SUPT3H: variants seen among roughly 807,000 people sequenced by gnomAD.
SUPT3H encodes the protein SPT3 homolog, SAGA and STAGA complex component.
In SUPT3H, 44 loss-of-function variants were observed where a neutral mutation model predicts 44.3. The ratio of observed to expected loss-of-function variants is 0.99; its 90% CI spans 0.78 to 1.28. The LOEUF is 1.28. SUPT3H is among the 50% of genes most tolerant of loss of function. The pLI is 0.00. For synonymous variants in SUPT3H, 124 were observed against 125.6 expected (o/e 0.99, Z 0.09); for missense variants, 380 against 387.1 (o/e 0.98, Z 0.15).
chr6:45,175,840 A>G (rs1033339731), intron 2 of SUPT3H, among the ~76,000 whole-genome samples: 2 of 152,220 alleles, frequency 1.3e-5, no homozygotes, highest in African/African-American at 4.8e-5. Flanking sequence ...CATGATTCAA[A>G]GCTTCTCATT....
At chr6:45,296,178 C>T (rs79601608) in intron 2 of SUPT3H, among the ~76,000 whole-genome samples, 3 of 89,786 alleles carry the variant, frequency 3.3e-5, no homozygotes, top group Non-Finnish European at 5.1e-5. Flanking sequence ...TATATACATA[C>T]ACATACTACA....
intron 10 of SUPT3H, among the ~76,000 whole-genome samples, chr6:44,900,818 A>G (rs1414452772): frequency 6.6e-6 from 1 of 152,180 alleles, no homozygotes; most frequent in African/African-American, 2.4e-5. Flanking sequence ...CTCCCCTGAG[A>G]CAAAACTTCC....
chr6:45,217,751 G>A lies in SUPT3H; in HGVS notation c.102-111745C>T, dbSNP rs368302022. ...ACAAAAATACAAAAATTAGCCAGGCGTGGTGACGTGTGCCTGTAGTCCTAG... is the reference window on the plus strand; with the variant it reads ...ACAAAAATACAAAAATTAGCCAGGCATGGTGACGTGTGCCTGTAGTCCTAG... On this transcript the variant is annotated intron_variant, in intron 2 of 10. Coordinates refer to ENST00000371459, the MANE Select transcript of SUPT3H (RefSeq NM_003599.4). Among the ~76,000 whole-genome samples, 4 of 151,994 alleles carry A rather than the reference G, an allele frequency of 2.6e-5. No homozygotes were observed. In the East Asian group the frequency reaches 5.8e-4, roughly 22 times the overall value.
intron 2 of SUPT3H, among the ~76,000 whole-genome samples, chr6:45,333,237 C>T (rs972505701): frequency 6.6e-6 from 1 of 151,464 alleles, no homozygotes; most frequent in Non-Finnish European, 1.5e-5. Context: ...TGTTACGATT[C>T]AAAAAATAAC....
intron 2 of SUPT3H, among the ~76,000 whole-genome samples, chr6:45,205,277 T>C (rs1763049656): frequency 6.6e-6 from 1 of 152,188 alleles, no homozygotes; most frequent in African/African-American, 2.4e-5. Context: ...TGCCCTAAGT[T>C]ACTGAAGACC....
At chr6:45,043,515 C>T (rs1308571150) in intron 3 of SUPT3H, among the ~76,000 whole-genome samples, 3 of 152,132 alleles carry the variant, frequency 2.0e-5, no homozygotes, top group African/African-American at 7.2e-5. Context: ...ATGAGACTTA[C>T]ACCTAAGTTA....
chr6:45,192,520 G>A (rs1584166592), intron 2 of SUPT3H, among the ~76,000 whole-genome samples: 1 of 152,028 alleles, frequency 6.6e-6, no homozygotes, highest in Admixed American at 6.6e-5. Flanking sequence ...ACCCAAATAA[G>A]TCAGCCTAAC....
chr6:45,299,403 G>T (rs2149913619), intron 2 of SUPT3H, among the ~76,000 whole-genome samples: 1 of 151,504 alleles, frequency 6.6e-6, no homozygotes, highest in East Asian at 1.9e-4. Flanking sequence ...AACAAAAGCA[G>T]TAATATAAGA....
At chr6:45,328,115 C>G in intron 2 of SUPT3H, 2 of 385,776 alleles carry the variant, frequency 5.2e-6, no homozygotes, top group Non-Finnish European at 9.1e-6. Flanking sequence ...AAGCTATATC[C>G]TTCTGGATGC....
chr6:45,267,361 T>C (rs915894933), intron 2 of SUPT3H, among the ~76,000 whole-genome samples: 1 of 152,198 alleles, frequency 6.6e-6, no homozygotes, highest in African/African-American at 2.4e-5. Context: ...AAAAGGAAAA[T>C]ATTTAATTCT....
At chr6:45,122,709 T>C (rs1000518329) in intron 2 of SUPT3H, among the ~76,000 whole-genome samples, 1 of 152,150 alleles carries the variant, frequency 6.6e-6, no homozygotes, top group African/African-American at 2.4e-5. Context: ...TTTGGGAGTA[T>C]TGTTGAAGAG....
chr6:44,912,172 T>C (rs1229583250), intron 10 of SUPT3H, among the ~76,000 whole-genome samples: 1 of 152,206 alleles, frequency 6.6e-6, no homozygotes, highest in African/African-American at 2.4e-5. Flanking sequence ...AATAATATTG[T>C]ACAAGCATCA....
rs373704843 is a variant in SUPT3H at position 44,920,452 on chromosome 6, C to T, written c.912+12201G>A. 2.6e-5 allele frequency among the ~76,000 whole-genome samples: 4 copies of T among 151,442 alleles called. No individual in the cohort carries two copies. In the East Asian group the frequency reaches 7.8e-4, roughly 30 times the overall value. On this transcript the variant is annotated intron_variant, in intron 10 of 10. Transcript: ENST00000371459. ...AGCCAGGCATGGTGGTGCATAACTA[C>T]TTGGGAGCCTGAGGTACGAGGATCA... is the stretch of plus-strand genomic sequence containing the variant.
At chr6:45,366,264 G>T (rs1395658242) in intron 1 of SUPT3H, among the ~76,000 whole-genome samples, 1 of 152,134 alleles carries the variant, frequency 6.6e-6, no homozygotes, top group Non-Finnish European at 1.5e-5. Flanking sequence ...AAACTAAGAG[G>T]GCAGGTTCTG....
chr6:45,070,057 C>A (rs915810191), intron 3 of SUPT3H, among the ~76,000 whole-genome samples: 4 of 152,126 alleles, frequency 2.6e-5, no homozygotes, highest in Non-Finnish European at 5.9e-5. Context: ...ATATCATGGT[C>A]ATTCCCAAGG....
chr6:44,966,178 C>T (rs2160084), intron 6 of SUPT3H, among the ~76,000 whole-genome samples: 7 of 152,156 alleles, frequency 4.6e-5, no homozygotes, highest in Non-Finnish European at 5.9e-5. Context: ...ATCACCCATT[C>T]TGATCCATAC....
chr6:44,839,420 C>T (rs1265532489), intron 10 of SUPT3H, among the ~76,000 whole-genome samples: 1 of 152,046 alleles, frequency 6.6e-6, no homozygotes, highest in Non-Finnish European at 1.5e-5. Flanking sequence ...ATTCTCCCAC[C>T]TCAGCCTCCT....
chr6:44,901,211 A>T (rs1175640663), intron 10 of SUPT3H, among the ~76,000 whole-genome samples: 4 of 152,080 alleles, frequency 2.6e-5, no homozygotes, highest in Non-Finnish European at 4.4e-5. Context: ...GGCTTCAGAC[A>T]ATCAAACTAC....
chr6:44,942,147 C>T (rs1285673382), intron 9 of SUPT3H, among the ~76,000 whole-genome samples: 1 of 152,084 alleles, frequency 6.6e-6, no homozygotes, highest in Admixed American at 6.6e-5. Flanking sequence ...ATACATATCA[C>T]TAGGTTAATT....
Sources: gnomAD v4.1 joint callset for allele counts (sites outside exome capture counted in the v4.1 genomes callset) on GRCh38, gnomAD v4.1.1 for gene constraint, MANE v1.5 for transcripts, NCBI Gene and HGNC (gene_info 2026-07-23, HGNC 2026-07-21) for gene names.